The following FOXN4 variants were observed in gnomAD, a reference collection of about 807,000 sequenced individuals.
FOXN4 encodes forkhead box N4.
A neutral mutation model predicts 45.0 loss-of-function variants in FOXN4; 12 were observed. The observed-to-expected ratio is 0.27, with a 90% CI of 0.17 to 0.43. The LOEUF is 0.43. Ranked by LOEUF, FOXN4 falls within the 20% of genes least tolerant of loss-of-function variation. The pLI, the probability that FOXN4 is intolerant of heterozygous loss-of-function variation, is 1.00. For missense variants in FOXN4, 560 were observed against 694.9 expected (o/e 0.81, Z 2.18); for synonymous variants, 297 against 295.0 (o/e 1.01, Z -0.07).
chr12:109,308,430 CACAGA>C (rs1421886735), intron 1 of FOXN4, 106 bp from the exon 2 acceptor site: 13 of 681,984 alleles, frequency 1.9e-5, no homozygotes, highest in East Asian at 1.8e-4. Flanking sequence ...ACAATCAACT[CACAGA>C]ACACTTTTTT....
Position 109,285,400 on chromosome 12 carries a change from C to A in FOXN4, c.805G>T (p.Ala269Ser), listed in dbSNP as rs765167447. 1.9e-6 allele frequency: 3 copies of A among 1,614,048 alleles called. No individual in the cohort carries two copies. The highest frequency in any genetic ancestry group is 1.3e-5 in the African/African-American group (1 of 75,052). ...TTGTCGATGCGGGCCAGGTTCAGAGCCCACAGGCAGCCCTTGCGGGAGGAG... is the reference window on the plus strand; with the variant it reads ...TTGTCGATGCGGGCCAGGTTCAGAGACCACAGGCAGCCCTTGCGGGAGGAG... The part of the protein sequence containing the change: ...SGSSRKGCLW[A>S]LNLARIDKME... The change falls in exon 8 of 10, where the codon GCT becomes TCT. Residue 269 changes from alanine (A) to serine (S), a missense_variant. Ala to Ser is a moderately conservative substitution (Grantham distance 99, BLOSUM62 1). Coordinates refer to ENST00000299162, the MANE Select transcript of FOXN4 (RefSeq NM_213596.3).
At chr12:109,284,461 G>A (rs1380875594) in intron 8 of FOXN4, among the ~76,000 whole-genome samples, 1 of 152,186 alleles carries the variant, frequency 6.6e-6, no homozygotes, top group African/African-American at 2.4e-5. Context: ...GTGCGTGCAT[G>A]TGTGCGTGTG....
intron 8 of FOXN4, among the ~76,000 whole-genome samples, chr12:109,282,552 A>G (rs946856765): frequency 2.0e-5 from 3 of 151,862 alleles, no homozygotes; most frequent in Non-Finnish European, 4.4e-5. Flanking sequence ...CTTAAATCTC[A>G]TAACAGCCCT....
Position 109,308,085 on chromosome 12 carries a change from C to G in FOXN4, c.86+151G>C, listed in dbSNP as rs977019047. On this transcript the variant is annotated intron_variant, in intron 2 of 9. Transcript: ENST00000299162. ...GTGGCCCAGACACCCTTAGCAAGACCAACATTGAAATCAAGACTTTCCAGC... is the reference window on the plus strand; with the variant it reads ...GTGGCCCAGACACCCTTAGCAAGACGAACATTGAAATCAAGACTTTCCAGC... 5.9e-5 allele frequency: 39 copies of G among 655,680 alleles called. No homozygotes were observed. The Middle Eastern group carries it at 1.3e-3, about 22-fold the overall frequency. The allele number at this position is 655,680 out of a possible 1,614,324, so 40.6% of individuals were successfully genotyped here. A position where few individuals can be genotyped will look rare whatever the true frequency, so the allele number is the denominator to read the frequency against.
intron 7 of FOXN4, among the ~76,000 whole-genome samples, chr12:109,285,888 C>A (rs903218842): frequency 4.3e-5 from 6 of 140,076 alleles, no homozygotes; most frequent in African/African-American, 1.6e-4. Context: ...TTTTTTGTGA[C>A]AGGGTCTTGT....
At chr12:109,284,890 G>A (rs1331219226) in intron 8 of FOXN4, among the ~76,000 whole-genome samples, 2 of 150,786 alleles carry the variant, frequency 1.3e-5, no homozygotes, top group Admixed American at 6.6e-5. Context: ...GCACGCATGT[G>A]TGTATTGGTC....
intron 2 of FOXN4, among the ~76,000 whole-genome samples, chr12:109,300,424 C>T (rs1029092160): frequency 6.6e-6 from 1 of 152,130 alleles, no homozygotes; most frequent in Non-Finnish European, 1.5e-5. Flanking sequence ...TACCTGTCAT[C>T]CTCATTTCAC....
At chr12:109,304,519 G>A (rs1268249922) in intron 2 of FOXN4, among the ~76,000 whole-genome samples, 1 of 152,170 alleles carries the variant, frequency 6.6e-6, no homozygotes, top group African/African-American at 2.4e-5. Context: ...CAAGAGGTCA[G>A]GACCACCCCC....
intron 2 of FOXN4, among the ~76,000 whole-genome samples, chr12:109,305,576 A>G (rs1365818839): frequency 1.3e-5 from 2 of 152,026 alleles, no homozygotes; most frequent in Non-Finnish European, 2.9e-5. Flanking sequence ...ACTAAAAATA[A>G]AAAATTAGCC....
In FOXN4 at chr12:109,290,978, GA is replaced by G. The variant is rs1468724925; in HGVS notation, c.87-693del. Among the ~76,000 whole-genome samples, 2 of 152,122 alleles carry G rather than the reference GA, an allele frequency of 1.3e-5. No individual in the cohort carries two copies. The highest frequency in any genetic ancestry group is 4.8e-5 in the African/African-American group (2 of 41,416). On this transcript the variant is annotated intron_variant, in intron 2 of 9. Transcript: ENST00000299162. The surrounding 1 kb of genome is among the most constrained non-coding windows in gnomAD (Gnocchi z 5.1). The stretch of plus-strand genomic sequence containing the variant: ...CTCCCCTCGTACAGATGAGAAAACT[GA>G]GGCTTGGAGCACCGAGTCACCTGCC...
intron 2 of FOXN4, among the ~76,000 whole-genome samples, chr12:109,295,632 A>T (rs1449169604): frequency 1.3e-5 from 2 of 152,252 alleles, no homozygotes; most frequent in Non-Finnish European, 2.9e-5. Flanking sequence ...CTAAAAATAC[A>T]AAAAGTAGCT....
rs1005280973 is a variant in FOXN4, at chr12:109,291,255, C to T, written c.87-969G>A. 2.6e-5 allele frequency among the ~76,000 whole-genome samples: 4 copies of T among 152,012 alleles called. No individual in the cohort carries two copies. In the East Asian group the frequency reaches 7.7e-4, roughly 29 times the overall value. ...CAGTGCCCTCAAGTCACACTTGCCA[C>T]GCGACTCCGAGAGCATCGGGTCTTA... On this transcript the variant is annotated intron_variant, in intron 2 of 9. Coordinates refer to ENST00000299162, the MANE Select transcript of FOXN4 (RefSeq NM_213596.3). This position sits in a 1 kb window ranked among gnomAD's most constrained non-coding sequence, Gnocchi z 6.6.
chr12:109,290,969 G>A lies in FOXN4; in HGVS notation c.87-683C>T, dbSNP rs184680685. On this transcript the variant is annotated intron_variant, in intron 2 of 9. Coordinates refer to ENST00000299162, the MANE Select transcript of FOXN4 (RefSeq NM_213596.3). The surrounding 1 kb of genome is among the most constrained non-coding windows in gnomAD (Gnocchi z 5.1). ...GGGCCCATACTCCCCTCGTACAGAT[G>A]AGAAAACTGAGGCTTGGAGCACCGA... Among the ~76,000 whole-genome samples, 626 of 152,278 alleles carry A rather than the reference G, an allele frequency of 4.1e-3. 2 individuals are homozygous for A. The highest frequency in any genetic ancestry group is 0.01 in the South Asian group (49 of 4,814).
chr12:109,281,736 T>C lies in FOXN4; in HGVS notation c.965A>G (p.Glu322Gly), dbSNP rs1385671217. The C allele has an allele frequency of 1.2e-6, 2 of 1,607,078 alleles. No individual in the cohort carries two copies. Among genetic ancestry groups the C allele is most frequent in the Non-Finnish European group, 1.7e-6 (2 of 1,176,730 alleles). Residue 322 changes from glutamate to glycine, a missense_variant, in exon 9 of 10, where the codon GAA becomes GGA. Around this residue, in one of 5 missense-constraint regions of FOXN4, gnomAD observed 315 missense variants for 350.5 expected, o/e 0.90. Coordinates refer to ENST00000299162, the MANE Select transcript of FOXN4 (RefSeq NM_213596.3). ...ESCRRPGKPG[E>G]PEAPVLTHAT... is the part of the protein sequence containing the mutation. ...GTGAGTCAGCACGGGGGCCTCTGGT[T>C]CCCCCGGTTTGCCGGGGCGCCGGCA...
In FOXN4 at chr12:109,288,033, G is replaced by A. The variant is rs552370284; in HGVS notation, c.357+23C>T. 2.8e-5 allele frequency: 44 copies of A among 1,550,004 alleles called. No homozygotes were observed. Among genetic ancestry groups the A allele is most frequent in the Admixed American group, 1.8e-4 (9 of 50,878 alleles). ...GTCTGGAGGGCACTACCCGCCCTCC[G>A]CAGTCCATGCAGTGCCACTTACGCT... On this transcript the variant is annotated intron_variant, in intron 4 of 9. Coordinates refer to ENST00000299162, the MANE Select transcript of FOXN4 (RefSeq NM_213596.3). The surrounding 1 kb of genome is among the most constrained non-coding windows in gnomAD (Gnocchi z 4.3).
At position 109,281,777 on chromosome 12, in the gene FOXN4, G is replaced by A. The variant is rs767122754; in HGVS notation, c.924C>T (p.Ser308=). The A allele has an allele frequency of 3.1e-5, 49 of 1,589,190 alleles. No individual in the cohort carries two copies. Among genetic ancestry groups the A allele is most frequent in the Middle Eastern group, 2.2e-4 (1 of 4,592 alleles). Residue 308 remains serine (S), a synonymous_variant, in exon 9 of 10, where the codon TCC becomes TCT. Transcript: ENST00000299162. The part of the protein sequence containing the change: ...ANPEELDKLI[S]DRPESCRRPG... The stretch of plus-strand genomic sequence containing the variant: ...GGCGCCGGCAGCTTTCAGGCCGGTC[G>A]GAGATCAGCTTGTCCAACTCCTCTG...
chr12:109,285,275 G>GCA (rs2136918182), intron 8 of FOXN4, 29 bp downstream of exon 8: 2 of 1,392,676 alleles, frequency 1.4e-6, no homozygotes, highest in Non-Finnish European at 9.7e-7. Flanking sequence ...GTGTGTGTGT[G>GCA]CGCGCACTGC....
Position 109,281,591 on chromosome 12 carries a change from A to T in FOXN4, c.1110T>A (p.His370Gln). ...PLHHQVQPQAHLAPDSPAPAQ... is the reference protein window; with the variant it reads ...PLHHQVQPQAQLAPDSPAPAQ... ...CTGGTGCTGGAGAGTCTGGAGCAAG[A>T]TGTGCCTGGGGCTGGACCTGGTGGT... The change falls in exon 9 of 10, where the codon CAT becomes CAA. Residue 370 changes from histidine to glutamine, a missense_variant. This residue lies in a region of FOXN4 where 315 missense variants were observed against 350.5 expected (regional missense o/e 0.90). Transcript: ENST00000299162. The T allele has an allele frequency of 6.2e-7, 1 of 1,607,466 alleles. No homozygotes were observed. Among genetic ancestry groups the T allele is most frequent in the South Asian group, 1.1e-5 (1 of 90,154 alleles).
At chr12:109,308,367 G>C (rs539124485) in intron 1 of FOXN4, 43 bp from the exon 2 acceptor site, 41 of 1,401,308 alleles carry the variant, frequency 2.9e-5, no homozygotes, top group South Asian at 2.8e-4. Flanking sequence ...CATCAGCGAC[G>C]ATATGGACAG....
Sources: allele counts gnomAD v4.1 joint callset (sites outside exome capture counted in the v4.1 genomes callset), GRCh38; gene constraint gnomAD v4.1.1; regional missense constraint gnomAD v4.1.1; non-coding constraint Gnocchi (gnomAD v3.1); transcripts MANE v1.5; gene names NCBI Gene and HGNC (gene_info 2026-07-23, HGNC 2026-07-21).